The following SLC8A3 variants were observed in gnomAD, a reference collection of about 807,000 sequenced individuals.
SLC8A3 encodes solute carrier family 8 member A3, also known as sodium/calcium exchanger 3.
A neutral mutation model predicts 65.4 loss-of-function variants in SLC8A3; 37 were observed. The observed-to-expected ratio is 0.57, with a 90% CI of 0.44 to 0.74. SLC8A3 has a LOEUF of 0.74. SLC8A3 is among the 30% of genes least tolerant of loss of function. The pLI, the probability that SLC8A3 is intolerant of heterozygous loss-of-function variation, is 0.00. For missense variants in SLC8A3, 1,112 were observed against 1,172.1 expected, an observed-to-expected ratio of 0.95 and a Z score of 0.75; for synonymous variants, 461 against 444.5, an observed-to-expected ratio of 1.04 and a Z score of -0.47.
chr14:70,156,320 C>T (rs1358894000), intron 2 of SLC8A3, among the ~76,000 whole-genome samples: 3 of 152,108 alleles, frequency 2.0e-5, no homozygotes, highest in Non-Finnish European at 4.4e-5. Context: ...TAGGATTGGC[C>T]CAGTATTGAA....
chr14:70,175,173 T>C (rs1358269463), intron 1 of SLC8A3, among the ~76,000 whole-genome samples: 2 of 152,172 alleles, frequency 1.3e-5, no homozygotes, highest in Admixed American at 1.3e-4. Flanking sequence ...TCATTCTTTA[T>C]ATGGACCAAG....
chr14:70,111,635 G>A (rs1316714389), intron 2 of SLC8A3, among the ~76,000 whole-genome samples: 4 of 152,154 alleles, frequency 2.6e-5, no homozygotes, highest in Non-Finnish European at 4.4e-5. Flanking sequence ...GTGACATATC[G>A]GCTGGCAACT....
intron 2 of SLC8A3, among the ~76,000 whole-genome samples, chr14:70,084,532 C>T (rs1891287796): frequency 6.6e-6 from 1 of 152,212 alleles, no homozygotes; most frequent in South Asian, 2.1e-4. Flanking sequence ...GCAAACTTGT[C>T]ATTGAAGTGA....
At chr14:70,092,176 C>T (rs1301496820) in intron 2 of SLC8A3, among the ~76,000 whole-genome samples, 1 of 152,194 alleles carries the variant, frequency 6.6e-6, no homozygotes, top group East Asian at 1.9e-4. Context: ...CACTACTGAG[C>T]TACTTGCCCT....
intron 2 of SLC8A3, among the ~76,000 whole-genome samples, chr14:70,071,300 G>A (rs1297074682): frequency 6.6e-6 from 1 of 152,136 alleles, no homozygotes; most frequent in South Asian, 2.1e-4. Context: ...AATGTTATAC[G>A]GTATCACAGT....
At chr14:70,111,671 A>T (rs1447403780) in intron 2 of SLC8A3, among the ~76,000 whole-genome samples, 1 of 152,230 alleles carries the variant, frequency 6.6e-6, no homozygotes, top group Non-Finnish European at 1.5e-5. Flanking sequence ...CAGTTTCCAC[A>T]TTTGTCAAAG....
At chr14:70,173,659 G>C (rs1054460683) in intron 1 of SLC8A3, among the ~76,000 whole-genome samples, 1 of 152,152 alleles carries the variant, frequency 6.6e-6, no homozygotes. Flanking sequence ...TTCTAAATCT[G>C]GGCCCCTGCA....
intron 2 of SLC8A3, among the ~76,000 whole-genome samples, chr14:70,166,131 G>A (rs556442772): frequency 5.3e-5 from 8 of 152,234 alleles, no homozygotes; most frequent in Non-Finnish European, 1.0e-4. Flanking sequence ...GTTACACAGT[G>A]AGACTGGCAA....
chr14:70,094,961 G>A (rs1392422785), intron 2 of SLC8A3, among the ~76,000 whole-genome samples: 1 of 152,208 alleles, frequency 6.6e-6, no homozygotes, highest in African/African-American at 2.4e-5. Context: ...CAGGCCCTTA[G>A]GAATCAGACA....
intron 2 of SLC8A3, among the ~76,000 whole-genome samples, chr14:70,121,748 G>T (rs1894071215): frequency 6.6e-6 from 1 of 152,174 alleles, no homozygotes; most frequent in South Asian, 2.1e-4. Context: ...AGGATGTTCT[G>T]CAGGAGGCTG....
intron 2 of SLC8A3, among the ~76,000 whole-genome samples, chr14:70,093,266 A>G (rs1891926387): frequency 1.3e-5 from 2 of 152,228 alleles, no homozygotes; most frequent in East Asian, 3.8e-4. Context: ...CTGAAAGACA[A>G]AATGAGAGAG....
chr14:70,155,095 AT>A (rs781619464), intron 2 of SLC8A3, among the ~76,000 whole-genome samples: 3 of 151,712 alleles, frequency 2.0e-5, no homozygotes, highest in Non-Finnish European at 4.4e-5. Context: ...AATTTTTTGT[AT>A]TTATAGTAGA....
intron 2 of SLC8A3, among the ~76,000 whole-genome samples, chr14:70,131,236 A>G (rs1056915771): frequency 6.6e-6 from 1 of 152,214 alleles, no homozygotes; most frequent in Non-Finnish European, 1.5e-5. Flanking sequence ...AGGCCAAGGG[A>G]TGGAGCAAAG....
At chr14:70,187,540 G>A (rs1883381285) in intron 1 of SLC8A3, among the ~76,000 whole-genome samples, 1 of 151,974 alleles carries the variant, frequency 6.6e-6, no homozygotes, top group East Asian at 1.9e-4. Context: ...CGGGTCCTCT[G>A]GGCAGGTCAG....
chr14:70,110,065 G>A (rs1893177715), intron 2 of SLC8A3, among the ~76,000 whole-genome samples: 1 of 151,364 alleles, frequency 6.6e-6, no homozygotes, highest in South Asian at 2.1e-4. Flanking sequence ...TAATTTTTGT[G>A]GGTATGTAGT....
At chr14:70,165,624 A>T (rs1338462572) in intron 2 of SLC8A3, among the ~76,000 whole-genome samples, 7 of 152,194 alleles carry the variant, frequency 4.6e-5, no homozygotes, top group Non-Finnish European at 1.0e-4. Context: ...ACTTTCTCAT[A>T]AGCTACAAAT....
chr14:70,085,445 G>A (rs1158767805), intron 2 of SLC8A3, among the ~76,000 whole-genome samples: 4 of 152,108 alleles, frequency 2.6e-5, no homozygotes, highest in African/African-American at 7.2e-5. Flanking sequence ...AATGTTTGCA[G>A]TTCAATCTGG....
In SLC8A3 at chr14:70,082,282, C is replaced by A. The variant is rs975899113; in HGVS notation, c.1785-21343G>T. 2.0e-5 allele frequency among the ~76,000 whole-genome samples: 3 copies of A among 151,592 alleles called. No homozygotes were observed. In the South Asian group the frequency reaches 6.2e-4, roughly 32 times the overall value. On this transcript the variant is annotated intron_variant, in intron 2 of 6. Transcript: ENST00000356921. ...GATTTCAATTTTTTTAAAATAATTT[C>A]TTGGGGGGGTGACCCTACTTAGCTG... is the stretch of plus-strand genomic sequence containing the variant.
chr14:70,179,133 T>C (rs1882501320), intron 1 of SLC8A3, among the ~76,000 whole-genome samples: 1 of 152,192 alleles, frequency 6.6e-6, no homozygotes, highest in Non-Finnish European at 1.5e-5. Flanking sequence ...GAAACAACCT[T>C]ACCCTAAATA....
Sources: gnomAD v4.1 joint callset for allele counts (sites outside exome capture counted in the v4.1 genomes callset) on GRCh38, gnomAD v4.1.1 for gene constraint, MANE v1.5 for transcripts, NCBI Gene and HGNC (gene_info 2026-07-23, HGNC 2026-07-21) for gene names.